The following TTC7A variants were observed in gnomAD, a reference collection of about 807,000 sequenced individuals.
TTC7A encodes tetratricopeptide repeat domain 7A.
In TTC7A, 110 loss-of-function variants were observed where a neutral mutation model predicts 103.7. The ratio of observed to expected loss-of-function variants is 1.06; its 90% CI spans 0.91 to 1.24. The LOEUF (loss-of-function observed/expected upper bound fraction) is 1.24. Ranked by LOEUF, TTC7A falls within the 50% of genes most tolerant of loss-of-function variation. The pLI, the probability that TTC7A is intolerant of heterozygous loss-of-function variation, is 0.00. For missense variants in TTC7A, 1,340 were observed against 1,116.3 expected (o/e 1.20, Z -2.86); for synonymous variants, 521 against 467.9 (o/e 1.11, Z -1.47).
intron 8 of TTC7A, among the ~76,000 whole-genome samples, chr2:47,005,062 C>G (rs888417805): frequency 6.6e-6 from 1 of 152,160 alleles, no homozygotes; most frequent in Non-Finnish European, 1.5e-5. Context: ...TCTCCTACCG[C>G]CACCCCCAGC....
At chr2:47,065,265 T>C (rs760009820) in intron 19 of TTC7A, among the ~76,000 whole-genome samples, 2 of 152,132 alleles carry the variant, frequency 1.3e-5, no homozygotes, top group African/African-American at 2.4e-5. Context: ...CCAGCCTGGG[T>C]GACAGAGCGA....
chr2:47,054,174 TAGG>T (rs1447809074), intron 18 of TTC7A: 3 of 985,282 alleles, frequency 3.0e-6, no homozygotes, highest in Non-Finnish European at 3.6e-6. Context: ...AGTGTAGTAT[TAGG>T]AGACCAGTTT....
At chr2:46,924,033 G>C (rs1278281542) in intron 2 of TTC7A, among the ~76,000 whole-genome samples, 1 of 151,824 alleles carries the variant, frequency 6.6e-6, no homozygotes, top group Non-Finnish European at 1.5e-5. Context: ...ACTGTGCCCG[G>C]CCTATAGAAA....
intron 19 of TTC7A, among the ~76,000 whole-genome samples, chr2:47,064,849 AC>A (rs1315045810): frequency 1.3e-5 from 2 of 152,208 alleles, no homozygotes; most frequent in African/African-American, 4.8e-5. Flanking sequence ...GAAGGAAAAA[AC>A]AATTTTCCCT....
intron 5 of TTC7A, among the ~76,000 whole-genome samples, chr2:46,989,934 A>G (rs1675445590): frequency 6.6e-6 from 1 of 152,070 alleles, no homozygotes; most frequent in Non-Finnish European, 1.5e-5. Context: ...GATGATGTAA[A>G]GGCTAAAGGC....
chr2:46,952,299 T>G (rs993723812), intron 2 of TTC7A, among the ~76,000 whole-genome samples: 1 of 152,184 alleles, frequency 6.6e-6, no homozygotes, highest in African/African-American at 2.4e-5. Context: ...TGGACCAGAT[T>G]GGTGGGGTTC....
At chr2:47,025,068 G>A (rs1443296293) in intron 14 of TTC7A, among the ~76,000 whole-genome samples, 4 of 152,226 alleles carry the variant, frequency 2.6e-5, no homozygotes, top group African/African-American at 9.6e-5. Context: ...GCCCCCACCT[G>A]ACTGCCTGGG....
At chr2:47,070,970 C>G (rs1388795443) in intron 19 of TTC7A, among the ~76,000 whole-genome samples, 1 of 152,156 alleles carries the variant, frequency 6.6e-6, no homozygotes, top group African/African-American at 2.4e-5. Context: ...CACATCCTCA[C>G]CAGGATGAGG....
intron 15 of TTC7A, among the ~76,000 whole-genome samples, chr2:47,044,931 G>T (rs1459824439): frequency 1.3e-5 from 2 of 152,214 alleles, no homozygotes; most frequent in Non-Finnish European, 2.9e-5. Context: ...GATCAGAGGG[G>T]CAACTGCCAG....
chr2:46,979,120 C>A (rs1405203630), intron 5 of TTC7A, among the ~76,000 whole-genome samples: 1 of 152,068 alleles, frequency 6.6e-6, no homozygotes, highest in Non-Finnish European at 1.5e-5. Context: ...GCCACAGAAG[C>A]AATAAAGCCT....
Position 46,950,459 on chromosome 2 carries a change from A to C in TTC7A, c.281A>C (p.Lys94Thr). The change falls in exon 2 of 20, where the codon AAG (lysine) becomes ACG (threonine). Residue 94 changes from lysine to threonine, a missense_variant. Physicochemically the swap from Lys to Thr is moderately conservative, Grantham distance 78 (BLOSUM62 -1). Coordinates refer to ENST00000319190, the MANE Select transcript of TTC7A (RefSeq NM_020458.4). ...KIKDSMPLLE[K>T]NEPKMSEAKN... Reference sequence around the variant, plus strand: ...AAAGACTCCATGCCTTTGCTGGAGAAGAATGAGCCGAAGATGAGCGAAGCC... The same window carrying C: ...AAAGACTCCATGCCTTTGCTGGAGACGAATGAGCCGAAGATGAGCGAAGCC... 1 of 1,614,258 alleles carries C rather than the reference A, an allele frequency of 6.2e-7. No homozygotes were observed. The highest frequency in any genetic ancestry group is 8.5e-7 in the Non-Finnish European group (1 of 1,180,058).
In TTC7A at chr2:47,016,048, G is replaced by A. The variant is rs574663355; in HGVS notation, c.1392+4613G>A. 9.1e-4 allele frequency among the ~76,000 whole-genome samples: 138 copies of A among 152,156 alleles called. 1 individual carries two copies. Among genetic ancestry groups the A allele is most frequent in the Non-Finnish European group, 1.6e-3 (107 of 68,028 alleles). On this transcript the variant is annotated intron_variant, in intron 11 of 19. Transcript: ENST00000319190. Reference sequence around the variant, plus strand: ...AGGAACGAGGGTGAAGATTCCGAGGGCAAACCTTTTTGGCTCACTGCAAGG... The same window carrying A: ...AGGAACGAGGGTGAAGATTCCGAGGACAAACCTTTTTGGCTCACTGCAAGG...
intron 18 of TTC7A, among the ~76,000 whole-genome samples, chr2:47,057,428 C>T (rs1237833289): frequency 2.0e-5 from 3 of 152,138 alleles, no homozygotes; most frequent in Non-Finnish European, 4.4e-5. Flanking sequence ...ACCAGGGCCC[C>T]GAGGCAAGAG....
chr2:46,948,438 G>T (rs1403079887), intron 1 of TTC7A, among the ~76,000 whole-genome samples: 1 of 152,168 alleles, frequency 6.6e-6, no homozygotes, highest in Non-Finnish European at 1.5e-5. Flanking sequence ...GTTTGAACCA[G>T]GTACTTTTTT....
chr2:47,004,872 C>G (rs998171645), intron 8 of TTC7A, among the ~76,000 whole-genome samples: 1 of 152,050 alleles, frequency 6.6e-6, no homozygotes, highest in South Asian at 2.1e-4. Context: ...CCCTTTCCAC[C>G]TTTTGCCCCC....
At chr2:47,063,657 G>C (rs949749176) in intron 19 of TTC7A, among the ~76,000 whole-genome samples, 1 of 152,234 alleles carries the variant, frequency 6.6e-6, no homozygotes, top group Non-Finnish European at 1.5e-5. Context: ...CAGGCCCCCA[G>C]GGAGGACACT....
chr2:47,073,869 G>C lies in TTC7A; in HGVS notation c.2523G>C (p.Glu841Asp), dbSNP rs780070407. 1.2e-5 allele frequency: 20 copies of C among 1,613,506 alleles called. No homozygotes were observed. Among genetic ancestry groups the C allele is most frequent in the Non-Finnish European group, 1.6e-5 (19 of 1,180,036 alleles). Residue 841 changes from glutamate to aspartate, a missense_variant, in exon 20 of 20, where the codon GAG (glutamate) becomes GAC (aspartate). By Grantham distance (45) the Glu-to-Asp change is conservative. Coordinates refer to ENST00000319190, the MANE Select transcript of TTC7A (RefSeq NM_020458.4). ...TTGACTGCTTCCTCACCGCCCTTGA[G>C]CTGGAGGCCAGCAGCCCTGTACTGC... ...AAVDCFLTAL[E>D]LEASSPVLPF...
At chr2:46,956,348 T>G (rs1432756226) in intron 2 of TTC7A, among the ~76,000 whole-genome samples, 1 of 152,156 alleles carries the variant, frequency 6.6e-6, no homozygotes, top group Non-Finnish European at 1.5e-5. Flanking sequence ...AGCTTTAGGG[T>G]CCTCACAGGC....
chr2:47,030,326 G>C (rs373116198), intron 15 of TTC7A, among the ~76,000 whole-genome samples: 57 of 152,320 alleles, frequency 3.7e-4, no homozygotes, highest in African/African-American at 1.3e-3. Context: ...CTTCAGTGGT[G>C]CCAGCCTAGG....
Sources: allele counts gnomAD v4.1 joint callset (sites outside exome capture counted in the v4.1 genomes callset), GRCh38; gene constraint gnomAD v4.1.1; transcripts MANE v1.5; gene names NCBI Gene and HGNC (gene_info 2026-07-23, HGNC 2026-07-21).